The following PTPRC variants were observed in gnomAD, a reference collection of about 807,000 sequenced individuals.
PTPRC encodes receptor-type tyrosine-protein phosphatase C.
Under a neutral mutation model 155.9 loss-of-function variants are expected in PTPRC, and 44 were observed. That is an observed-to-expected ratio of 0.28 (90% CI 0.22 to 0.36). PTPRC has a LOEUF of 0.36. PTPRC is among the 10% of genes least tolerant of loss of function. The probability of loss-of-function intolerance (pLI) is 1.00; values close to 1 mark genes in which losing one functional copy is unlikely to be tolerated. For missense variants in PTPRC, 1,401 were observed against 1,564.6 expected, an observed-to-expected ratio of 0.90 and a Z score of 1.76; for synonymous variants, 525 against 533.1, an observed-to-expected ratio of 0.98 and a Z score of 0.21.
intron 2 of PTPRC, among the ~76,000 whole-genome samples, chr1:198,664,171 G>A (rs1212817963): frequency 6.6e-6 from 1 of 152,060 alleles, no homozygotes; most frequent in South Asian, 2.1e-4. Context: ...GGACAGTGTG[G>A]GTTTTTATTC....
chr1:198,684,049 T>A (rs151289663), intron 2 of PTPRC, among the ~76,000 whole-genome samples: 27 of 152,004 alleles, frequency 1.8e-4, no homozygotes, highest in Non-Finnish European at 3.2e-4. Flanking sequence ...TATGGGACAT[T>A]TAAAGGCACA....
intron 3 of PTPRC, among the ~76,000 whole-genome samples, chr1:198,693,583 A>T (rs1666042872): frequency 1.3e-5 from 2 of 152,196 alleles, no homozygotes; most frequent in African/African-American, 4.8e-5. Context: ...ACAAGCCTCC[A>T]AGTGATGAAA....
intron 2 of PTPRC, among the ~76,000 whole-genome samples, chr1:198,687,781 T>A (rs1226028796): frequency 6.6e-6 from 1 of 152,200 alleles, no homozygotes; most frequent in Non-Finnish European, 1.5e-5. Context: ...AAAATTGATA[T>A]GTTGCTTTAA....
intron 2 of PTPRC, among the ~76,000 whole-genome samples, chr1:198,650,733 G>A (rs1234345823): frequency 2.0e-5 from 3 of 151,796 alleles, no homozygotes; most frequent in Non-Finnish European, 4.4e-5. Flanking sequence ...GACTGCATGT[G>A]ACAGTGTAAA....
At chr1:198,674,499 A>G (rs10922473) in intron 2 of PTPRC, among the ~76,000 whole-genome samples, 6,069 of 148,662 alleles carry the variant, frequency 0.041, 391 homozygotes, top group African/African-American at 0.13. Context: ...TACAATAATA[A>G]CATATAATAA....
chr1:198,737,174 T>C (rs1466216537), intron 23 of PTPRC, among the ~76,000 whole-genome samples: 2 of 151,878 alleles, frequency 1.3e-5, no homozygotes, highest in Admixed American at 6.6e-5. Context: ...TTCTTTGCTA[T>C]ACAGAAGCTT....
At chr1:198,672,635 A>ATTT (rs545141740) in intron 2 of PTPRC, among the ~76,000 whole-genome samples, 1,700 of 141,320 alleles carry the variant, frequency 0.012, 37 homozygotes, top group African/African-American at 0.036. Flanking sequence ...ATGCCCAGCT[A>ATTT]TTTTTTTTTT....
At chr1:198,751,502 C>T (rs1488667570) in intron 29 of PTPRC, among the ~76,000 whole-genome samples, 4 of 152,020 alleles carry the variant, frequency 2.6e-5, no homozygotes, top group Admixed American at 2.6e-4. Context: ...ACCTGGTCCC[C>T]TTCCCCTGTA....
intron 22 of PTPRC, 112 bp from the exon 23 acceptor site, chr1:198,735,015 G>T: frequency 1.0e-6 from 1 of 968,344 alleles, no homozygotes; most frequent in South Asian, 1.6e-5. Context: ...CTATACAACT[G>T]TTTTGAGAAT....
intron 2 of PTPRC, among the ~76,000 whole-genome samples, chr1:198,670,382 G>A (rs1664575193): frequency 6.6e-6 from 1 of 152,000 alleles, no homozygotes; most frequent in African/African-American, 2.4e-5. Context: ...TTAAAGATTT[G>A]TGATAAAACA....
intron 5 of PTPRC, among the ~76,000 whole-genome samples, chr1:198,702,109 T>C (rs1203697124): frequency 1.3e-5 from 2 of 152,240 alleles, no homozygotes; most frequent in Non-Finnish European, 2.9e-5. Flanking sequence ...CCCAGAGTCT[T>C]AGGCTTCTTG....
chr1:198,681,265 A>AATTG (rs1002401474), intron 2 of PTPRC, among the ~76,000 whole-genome samples: 22 of 152,336 alleles, frequency 1.4e-4, no homozygotes, highest in African/African-American at 4.8e-4. Context: ...AACATAAGAC[A>AATTG]ATTGATAGGA....
At chr1:198,665,080 ATTTTTTTTT>A (rs574626185) in intron 2 of PTPRC, among the ~76,000 whole-genome samples, 2 of 59,564 alleles carry the variant, frequency 3.4e-5, no homozygotes, top group South Asian at 6.8e-4. Flanking sequence ...TCCCGGCAGC[ATTTTTTTTT>A]TTTTTTTTTT....
intron 2 of PTPRC, among the ~76,000 whole-genome samples, chr1:198,663,712 T>C (rs974424754): frequency 4.6e-5 from 7 of 152,258 alleles, no homozygotes; most frequent in Non-Finnish European, 1.0e-4. Context: ...ACTGCTTTTC[T>C]CTGGGAAGAG....
chr1:198,673,666 G>C (rs1468884338), intron 2 of PTPRC, among the ~76,000 whole-genome samples: 1 of 152,122 alleles, frequency 6.6e-6, no homozygotes, highest in African/African-American at 2.4e-5. Context: ...AAAAATGCAA[G>C]AGTACATTTT....
At chr1:198,702,161 A>G (rs1666489368) in intron 5 of PTPRC, among the ~76,000 whole-genome samples, 3 of 152,218 alleles carry the variant, frequency 2.0e-5, no homozygotes, top group African/African-American at 4.8e-5. Flanking sequence ...TGCTCTGATT[A>G]TGAAGCTGCA....
At chr1:198,685,025 G>A (rs573004157) in intron 2 of PTPRC, among the ~76,000 whole-genome samples, 2 of 152,104 alleles carry the variant, frequency 1.3e-5, no homozygotes, top group Admixed American at 1.3e-4. Context: ...AATCAGAAAG[G>A]CACTACACTC....
rs184949485 is a variant in PTPRC at position 198,653,202 on chromosome 1, T to C, written c.73+13861T>C. Among the ~76,000 whole-genome samples, 3 of 151,978 alleles carry C rather than the reference T, an allele frequency of 2.0e-5. No homozygotes were observed. In the East Asian group the frequency reaches 5.8e-4, roughly 29 times the overall value. On this transcript the variant is annotated intron_variant, in intron 2 of 32. Transcript: ENST00000442510. ...CAAAGGACTTTTTTGTTAGCCTTAATAAAATGCTTTCTCTTAAACTAAATT... is the reference window on the plus strand; with the variant it reads ...CAAAGGACTTTTTTGTTAGCCTTAACAAAATGCTTTCTCTTAAACTAAATT...
chr1:198,732,949 A>T (rs1419787645), intron 20 of PTPRC, among the ~76,000 whole-genome samples: 3 of 151,798 alleles, frequency 2.0e-5, no homozygotes, highest in Non-Finnish European at 4.4e-5. Context: ...ACAATTGGTA[A>T]ATATTTGAGT....
Sources: gnomAD v4.1 joint callset for allele counts (sites outside exome capture counted in the v4.1 genomes callset) on GRCh38, gnomAD v4.1.1 for gene constraint, MANE v1.5 for transcripts, NCBI Gene and HGNC (gene_info 2026-07-23, HGNC 2026-07-21) for gene names.